FHIT: variants seen among roughly 807,000 people sequenced by gnomAD.
FHIT encodes the protein fragile histidine triad diadenosine triphosphatase.
In FHIT, 19 loss-of-function variants were observed where a neutral mutation model predicts 17.9. That is an observed-to-expected ratio of 1.06 (90% CI 0.74 to 1.56). FHIT has a LOEUF of 1.56. FHIT is among the 40% of genes most tolerant of loss of function. The pLI is 0.00. For missense variants in FHIT, 248 were observed against 189.2 expected (o/e 1.31, Z -1.82); for synonymous variants, 81 against 69.7 (o/e 1.16, Z -0.81).
At chr3:60,210,360 G>T (rs1214435160) in intron 5 of FHIT, among the ~76,000 whole-genome samples, 1 of 151,938 alleles carries the variant, frequency 6.6e-6, no homozygotes, top group Non-Finnish European at 1.5e-5. Flanking sequence ...AAAAAAACAT[G>T]GTAATATGTC....
At chr3:60,187,838 T>C (rs979374745) in intron 5 of FHIT, among the ~76,000 whole-genome samples, 1 of 152,198 alleles carries the variant, frequency 6.6e-6, no homozygotes, top group African/African-American at 2.4e-5. Flanking sequence ...TCAGCCTTAC[T>C]GATCATAGCT....
intron 4 of FHIT, among the ~76,000 whole-genome samples, chr3:60,619,017 C>T (rs1270650775): frequency 6.7e-6 from 1 of 148,632 alleles, no homozygotes; most frequent in African/African-American, 2.6e-5. Flanking sequence ...ATACTTCTGT[C>T]CTACAGAACC....
chr3:60,949,444 A>G (rs1232840206), intron 3 of FHIT, among the ~76,000 whole-genome samples: 4 of 152,192 alleles, frequency 2.6e-5, no homozygotes, highest in African/African-American at 7.2e-5. Flanking sequence ...GGGAAAGTAT[A>G]TTTTTAGGCA....
chr3:59,964,624 T>C (rs12495662), intron 7 of FHIT, among the ~76,000 whole-genome samples: 13,356 of 152,126 alleles, frequency 0.088, 826 homozygotes, highest in South Asian at 0.15. Flanking sequence ...AACATCACAA[T>C]AGACAAATAG....
At chr3:60,406,029 T>TC (rs1701843788) in intron 5 of FHIT, among the ~76,000 whole-genome samples, 2 of 152,190 alleles carry the variant, frequency 1.3e-5, no homozygotes, top group South Asian at 4.1e-4. Flanking sequence ...TGCTCAATTA[T>TC]TATTAGATAT....
chr3:60,650,025 T>C (rs1052431545), intron 4 of FHIT, among the ~76,000 whole-genome samples: 5 of 152,358 alleles, frequency 3.3e-5, no homozygotes, highest in Non-Finnish European at 5.9e-5. Context: ...AAATTAATTG[T>C]AGAACTTATC....
chr3:60,012,810 C>T (rs918584529), intron 6 of FHIT, among the ~76,000 whole-genome samples: 1 of 152,202 alleles, frequency 6.6e-6, no homozygotes, highest in Non-Finnish European at 1.5e-5. Flanking sequence ...TCAGCTCTTA[C>T]ATTTATGGAA....
intron 5 of FHIT, among the ~76,000 whole-genome samples, chr3:60,392,913 T>C (rs73094239): frequency 0.25 from 37,504 of 151,960 alleles, 4,906 homozygotes; most frequent in Middle Eastern, 0.31. Context: ...CATCTTATTA[T>C]GAGAGTCTTT....
At chr3:60,120,515 C>T (rs1705198889) in intron 5 of FHIT, among the ~76,000 whole-genome samples, 1 of 152,166 alleles carries the variant, frequency 6.6e-6, no homozygotes, top group African/African-American at 2.4e-5. Context: ...TGGCCAAACC[C>T]AGGGAAGCAA....
chr3:60,070,150 G>C (rs982246463), intron 5 of FHIT, among the ~76,000 whole-genome samples: 2 of 152,104 alleles, frequency 1.3e-5, no homozygotes, highest in Non-Finnish European at 1.5e-5. Context: ...GGATCACCTG[G>C]AGTGCCCTGG....
intron 4 of FHIT, among the ~76,000 whole-genome samples, chr3:60,559,938 T>C (rs1228239268): frequency 6.6e-6 from 1 of 152,182 alleles, no homozygotes; most frequent in African/African-American, 2.4e-5. Flanking sequence ...TTCTTTACTT[T>C]TCCTGGCATG....
intron 3 of FHIT, among the ~76,000 whole-genome samples, chr3:61,008,109 C>G (rs1033734512): frequency 3.9e-5 from 6 of 152,222 alleles, no homozygotes; most frequent in African/African-American, 1.4e-4. Flanking sequence ...ATCACCTGCA[C>G]ACCCATCTCC....
intron 7 of FHIT, among the ~76,000 whole-genome samples, chr3:59,960,172 G>A (rs1707601573): frequency 6.6e-6 from 1 of 152,166 alleles, no homozygotes; most frequent in South Asian, 2.1e-4. Flanking sequence ...AGACTTCAGT[G>A]ACCACAAACA....
intron 3 of FHIT, among the ~76,000 whole-genome samples, chr3:60,859,323 G>A (rs1703518012): frequency 6.6e-6 from 1 of 152,112 alleles, no homozygotes; most frequent in Non-Finnish European, 1.5e-5. Flanking sequence ...GCACAGAAGA[G>A]CTTAATAAAT....
intron 4 of FHIT, among the ~76,000 whole-genome samples, chr3:60,688,855 CT>C (rs1424863050): frequency 6.6e-6 from 1 of 152,138 alleles, no homozygotes; most frequent in Admixed American, 6.6e-5. Flanking sequence ...ATGCTTTACT[CT>C]TTTTTCTTTG....
chr3:60,016,417 T>C (rs963950702), intron 5 of FHIT, among the ~76,000 whole-genome samples: 3 of 152,194 alleles, frequency 2.0e-5, no homozygotes, highest in Non-Finnish European at 4.4e-5. Context: ...AGATTTAAAC[T>C]GGACTTTAAA....
At chr3:60,712,397 T>A (rs1164431295) in intron 4 of FHIT, among the ~76,000 whole-genome samples, 1 of 152,040 alleles carries the variant, frequency 6.6e-6, no homozygotes, top group African/African-American at 2.4e-5. Flanking sequence ...GCTAACATCA[T>A]AATGACAGGA....
chr3:60,923,612 T>C (rs1034182710), intron 3 of FHIT, among the ~76,000 whole-genome samples: 2 of 152,162 alleles, frequency 1.3e-5, no homozygotes, highest in South Asian at 4.1e-4. Flanking sequence ...ACAGCTCCAG[T>C]CTACAGCTCC....
At position 59,783,428 on chromosome 3, in the gene FHIT, C is replaced by T. The variant is rs771755816; in HGVS notation, c.349-31107G>A. ...AGGTTGCAGTGAGACCAAATCATGC[C>T]ACTGCACTCCAGCCTGGTGACAGAG... On this transcript the variant is annotated intron_variant, in intron 8 of 9. Coordinates refer to ENST00000492590, the MANE Select transcript of FHIT (RefSeq NM_002012.4). Among the ~76,000 whole-genome samples, 156 of 152,142 alleles carry T rather than the reference C, an allele frequency of 1.0e-3. 3 individuals are homozygous for T. Among genetic ancestry groups the T allele is most frequent in the Non-Finnish European group, 2.5e-4 (17 of 68,022 alleles).
Sources: gnomAD v4.1 joint callset for allele counts (sites outside exome capture counted in the v4.1 genomes callset) on GRCh38, gnomAD v4.1.1 for gene constraint, MANE v1.5 for transcripts, NCBI Gene and HGNC (gene_info 2026-07-23, HGNC 2026-07-21) for gene names.